The following NAALADL2 variants were observed in gnomAD, a reference collection of about 807,000 sequenced individuals.
NAALADL2 encodes inactive N-acetylated-alpha-linked acidic dipeptidase-like protein 2.
Under a neutral mutation model 87.2 loss-of-function variants are expected in NAALADL2, and 76 were observed. That is an observed-to-expected ratio of 0.87 (90% CI 0.72 to 1.05). The LOEUF is 1.05. Among genes scored for constraint, NAALADL2 ranks in the 50% least tolerant of loss-of-function variants. The probability of loss-of-function intolerance (pLI) is 0.00; values close to 1 mark genes in which losing one functional copy is unlikely to be tolerated. For synonymous variants in NAALADL2, 354 were observed against 331.0 expected (o/e 1.07, Z -0.75); for missense variants, 1,089 against 945.8 (o/e 1.15, Z -1.99).
chr3:175,105,642 GACACACACACACACAC>G (rs57274941), intron 2 of NAALADL2, among the ~76,000 whole-genome samples: 52,520 of 144,534 alleles, frequency 0.36, 9,309 homozygotes, highest in East Asian at 0.44. Context: ...AATACACACA[GACACACACACACACAC>G]ACACACACAC....
Position 175,746,795 on chromosome 3 carries a change from C to T in NAALADL2, c.1991-8425C>T, listed in dbSNP as rs182960752. Among the ~76,000 whole-genome samples, 5 of 152,228 alleles carry T rather than the reference C, an allele frequency of 3.3e-5. No individual in the cohort carries two copies. In the East Asian group the frequency reaches 9.6e-4, roughly 29 times the overall value. ...GTTGGCCATCCATTGGGGGCAAATT[C>T]CTAAAAATACATTTAGTCTCAATCC... On this transcript the variant is annotated intron_variant, in intron 12 of 13. Transcript: ENST00000454872.
At chr3:174,455,294 C>G (rs1715760609) in intron 1 of NAALADL2, among the ~76,000 whole-genome samples, 1 of 152,084 alleles carries the variant, frequency 6.6e-6, no homozygotes, top group African/African-American at 2.4e-5. Context: ...TGAATTCTAC[C>G]AGATGTACAA....
intron 3 of NAALADL2, among the ~76,000 whole-genome samples, chr3:174,788,945 G>A (rs1717128866): frequency 6.6e-6 from 1 of 152,148 alleles, no homozygotes. Flanking sequence ...TGCTCTTGTT[G>A]AGCCCACTTT....
chr3:174,822,063 A>G (rs1721482672), intron 3 of NAALADL2, among the ~76,000 whole-genome samples: 1 of 152,202 alleles, frequency 6.6e-6, no homozygotes, highest in Non-Finnish European at 1.5e-5. Flanking sequence ...TTCCTGAAGC[A>G]TAGGGATATC....
intron 10 of NAALADL2, among the ~76,000 whole-genome samples, chr3:175,580,956 A>G (rs929591594): frequency 6.6e-6 from 1 of 152,088 alleles, no homozygotes; most frequent in African/African-American, 2.4e-5. Context: ...AGAAAAATAC[A>G]TAATATTTAT....
At chr3:174,898,333 G>T (rs1222465996) in intron 1 of NAALADL2, among the ~76,000 whole-genome samples, 1 of 151,410 alleles carries the variant, frequency 6.6e-6, no homozygotes, top group East Asian at 1.9e-4. Flanking sequence ...ATTGGGAAGG[G>T]TAGAGGGGGG....
At chr3:175,438,709 T>G (rs1719174713) in intron 5 of NAALADL2, among the ~76,000 whole-genome samples, 1 of 152,088 alleles carries the variant, frequency 6.6e-6, no homozygotes, top group South Asian at 2.1e-4. Context: ...ACTTAGCTAT[T>G]GTAATATTTA....
chr3:175,426,139 G>T (rs1017362316), intron 5 of NAALADL2, among the ~76,000 whole-genome samples: 1 of 152,126 alleles, frequency 6.6e-6, no homozygotes, highest in African/African-American at 2.4e-5. Flanking sequence ...CAAGGCGGGC[G>T]GATCACTTAA....
intron 5 of NAALADL2, among the ~76,000 whole-genome samples, chr3:175,419,935 C>A (rs760833548): frequency 6.6e-6 from 1 of 151,890 alleles, no homozygotes; most frequent in Non-Finnish European, 1.5e-5. Flanking sequence ...CAATTAGACA[C>A]AAGGACTACA....
At chr3:175,706,971 T>C (rs1038984776) in intron 11 of NAALADL2, among the ~76,000 whole-genome samples, 2 of 152,152 alleles carry the variant, frequency 1.3e-5, no homozygotes, top group African/African-American at 4.8e-5. Context: ...CTTGACTATA[T>C]GTATATAATG....
At chr3:175,217,325 T>C (rs1012606301) in intron 2 of NAALADL2, among the ~76,000 whole-genome samples, 2 of 152,180 alleles carry the variant, frequency 1.3e-5, no homozygotes, top group African/African-American at 4.8e-5. Flanking sequence ...ATTTCCAGTT[T>C]GCAGTCCTTG....
chr3:175,224,086 C>A (rs895047961), intron 2 of NAALADL2, among the ~76,000 whole-genome samples: 14 of 152,132 alleles, frequency 9.2e-5, no homozygotes, highest in African/African-American at 3.4e-4. Context: ...TCTACAGCAA[C>A]ACAGGTCTAT....
chr3:175,395,275 A>C (rs181471263), intron 5 of NAALADL2, among the ~76,000 whole-genome samples: 1 of 152,162 alleles, frequency 6.6e-6, no homozygotes, highest in East Asian at 1.9e-4. Flanking sequence ...ACAATTAAAA[A>C]CTTATGATTT....
At chr3:175,081,957 CTAAG>C (rs1288315103) in intron 1 of NAALADL2, among the ~76,000 whole-genome samples, 1 of 152,082 alleles carries the variant, frequency 6.6e-6, no homozygotes, top group African/African-American at 2.4e-5. Context: ...AAGAGCTGTG[CTAAG>C]TGATTGAAAT....
intron 12 of NAALADL2, among the ~76,000 whole-genome samples, chr3:175,737,782 C>T (rs1744718099): frequency 7.5e-6 from 1 of 133,788 alleles, no homozygotes; most frequent in African/African-American, 2.9e-5. Flanking sequence ...CAAGATTGGC[C>T]CAGAAGTTTC....
intron 1 of NAALADL2, among the ~76,000 whole-genome samples, chr3:174,961,915 A>T (rs1742059571): frequency 6.6e-6 from 1 of 151,958 alleles, no homozygotes; most frequent in Non-Finnish European, 1.5e-5. Flanking sequence ...GGTCCCAGTA[A>T]TCCTGGGACC....
intron 5 of NAALADL2, among the ~76,000 whole-genome samples, chr3:175,398,298 C>G (rs1407143033): frequency 6.6e-6 from 1 of 150,530 alleles, no homozygotes; most frequent in Non-Finnish European, 1.5e-5. Context: ...GGATTTGAAG[C>G]TGACATCCAG....
At chr3:175,350,564 C>G (rs139981563) in intron 5 of NAALADL2, among the ~76,000 whole-genome samples, 1 of 152,202 alleles carries the variant, frequency 6.6e-6, no homozygotes, top group Non-Finnish European at 1.5e-5. Flanking sequence ...CTGATGCAGC[C>G]ATATCTACCT....
At chr3:174,607,017 T>G (rs1417939182) in intron 2 of NAALADL2, among the ~76,000 whole-genome samples, 1 of 152,194 alleles carries the variant, frequency 6.6e-6, no homozygotes, top group Non-Finnish European at 1.5e-5. Flanking sequence ...ATACTCAACA[T>G]TCTTAAAGAA....
Sources: allele counts gnomAD v4.1 joint callset (sites outside exome capture counted in the v4.1 genomes callset), GRCh38; gene constraint gnomAD v4.1.1; transcripts MANE v1.5; gene names NCBI Gene and HGNC (gene_info 2026-07-23, HGNC 2026-07-21).